The following CFAP54 variants were observed in gnomAD, a reference collection of about 807,000 sequenced individuals.
CFAP54 encodes the protein cilia and flagella associated protein 54, also known as cilia- and flagella-associated protein 54.
A neutral mutation model predicts 370.4 loss-of-function variants in CFAP54; 290 were observed. The observed-to-expected ratio is 0.78, with a 90% CI of 0.71 to 0.86. The LOEUF (loss-of-function observed/expected upper bound fraction) is 0.86, where lower values mean the gene tolerates loss of function less well. Among genes scored for constraint, CFAP54 ranks in the 40% least tolerant of loss-of-function variants. The probability of loss-of-function intolerance (pLI) is 0.00; values close to 1 mark genes in which losing one functional copy is unlikely to be tolerated. For missense variants in CFAP54, 3,399 were observed against 3,528.7 expected, an observed-to-expected ratio of 0.96 and a Z score of 0.93; for synonymous variants, 1,206 against 1,236.5, an observed-to-expected ratio of 0.98 and a Z score of 0.52.
intron 22 of CFAP54, among the ~76,000 whole-genome samples, chr12:96,583,312 A>G (rs1408886378): frequency 1.3e-5 from 2 of 152,162 alleles, no homozygotes; most frequent in African/African-American, 4.8e-5. Context: ...ACTAGATAAT[A>G]TCATATAAAT....
At chr12:96,644,849 A>G (rs1956771656) in intron 33 of CFAP54, among the ~76,000 whole-genome samples, 1 of 152,188 alleles carries the variant, frequency 6.6e-6, no homozygotes, top group Non-Finnish European at 1.5e-5. Context: ...ATTACAATTC[A>G]AAGTGAGCTT....
intron 61 of CFAP54, among the ~76,000 whole-genome samples, chr12:96,786,088 T>G (rs1958625849): frequency 6.6e-6 from 1 of 152,242 alleles, no homozygotes; most frequent in Admixed American, 6.5e-5. Flanking sequence ...CCTTAGGATC[T>G]GTTTTAGGGG....
chr12:96,700,807 A>G (rs1196620585), intron 46 of CFAP54, among the ~76,000 whole-genome samples: 1 of 152,188 alleles, frequency 6.6e-6, no homozygotes, highest in Non-Finnish European at 1.5e-5. Flanking sequence ...AATAAAGGAA[A>G]TGGGAGAAGG....
rs17025902 is a variant in CFAP54, at chr12:96,783,548, A to G, written c.8282-1169A>G. Among the ~76,000 whole-genome samples, 1,304 of 152,302 alleles carry G rather than the reference A, an allele frequency of 8.6e-3. 53 individuals are homozygous for G. The East Asian group carries it at 0.097, about 11-fold the overall frequency. On this transcript the variant is annotated intron_variant, in intron 60 of 67. Coordinates refer to ENST00000524981, the MANE Select transcript of CFAP54 (RefSeq NM_001306084.2). ...GAACCTGTTTGTTAACTCATTGTAC[A>G]TTTTCAGGATATATCCATCATTACT...
intron 50 of CFAP54, among the ~76,000 whole-genome samples, chr12:96,738,764 C>T (rs1958012733): frequency 6.6e-6 from 1 of 152,060 alleles, no homozygotes; most frequent in Non-Finnish European, 1.5e-5. Context: ...ACGCGTGCCA[C>T]CACGCCTGGC....
chr12:96,611,118 C>T (rs1956353422), intron 26 of CFAP54, among the ~76,000 whole-genome samples: 1 of 152,232 alleles, frequency 6.6e-6, no homozygotes, highest in African/African-American at 2.4e-5. Flanking sequence ...CCTGAGTAGC[C>T]TAACTGGGAG....
intron 22 of CFAP54, among the ~76,000 whole-genome samples, chr12:96,584,284 C>T (rs760252724): frequency 1.8e-4 from 28 of 151,734 alleles, no homozygotes; most frequent in Middle Eastern, 3.2e-3. Context: ...GGCAACATGG[C>T]GAAACCCTGT....
intron 25 of CFAP54, among the ~76,000 whole-genome samples, chr12:96,597,529 G>T (rs1437695762): frequency 6.6e-6 from 1 of 151,958 alleles, no homozygotes; most frequent in African/African-American, 2.4e-5. Context: ...CCCCCAGATT[G>T]TACAACCATG....
intron 50 of CFAP54, 88 bp from the exon 51 acceptor site, chr12:96,739,858 GGTGTGAGAAT>G (rs1456052610): frequency 4.2e-6 from 3 of 706,724 alleles, no homozygotes; most frequent in Non-Finnish European, 6.8e-6. Context: ...TGTTGGCTGG[GGTGTGAGAAT>G]GTTTTTTGGA....
At chr12:96,504,580 G>A (rs768599593) in intron 3 of CFAP54, among the ~76,000 whole-genome samples, 2 of 152,098 alleles carry the variant, frequency 1.3e-5, no homozygotes, top group Non-Finnish European at 2.9e-5. Flanking sequence ...AGTCCTAAGA[G>A]GTGCCTCTTT....
At chr12:96,874,139 C>T (rs1960231956) in intron 67 of CFAP54, among the ~76,000 whole-genome samples, 1 of 152,092 alleles carries the variant, frequency 6.6e-6, no homozygotes, top group African/African-American at 2.4e-5. Flanking sequence ...GAAGTTTAAT[C>T]GAATTTTAAA....
At chr12:96,540,256 A>G (rs1224244723) in intron 13 of CFAP54, 1 of 152,150 alleles carries the variant, frequency 6.6e-6, no homozygotes, top group Non-Finnish European at 1.5e-5. Context: ...GTGTGCGCCA[A>G]TACGCTGGCT....
At chr12:96,576,788 T>G in intron 20 of CFAP54, 27 bp downstream of exon 20, 1 of 1,504,050 alleles carries the variant, frequency 6.6e-7, no homozygotes, top group Non-Finnish European at 8.9e-7. Flanking sequence ...AATTTTTGCC[T>G]CATGCAAAGC....
chr12:96,664,304 C>T (rs981881955), intron 39 of CFAP54, among the ~76,000 whole-genome samples: 2 of 151,946 alleles, frequency 1.3e-5, no homozygotes, highest in Admixed American at 6.6e-5. Flanking sequence ...TCTGATAGGC[C>T]AGAGTGTGTG....
intron 63 of CFAP54, among the ~76,000 whole-genome samples, chr12:96,804,738 A>G (rs1565984188): frequency 2.6e-5 from 4 of 152,154 alleles, no homozygotes; most frequent in African/African-American, 9.7e-5. Flanking sequence ...TTAGAAAAAA[A>G]CAATCCTAAA....
chr12:96,664,701 A>C (rs55649464), intron 39 of CFAP54, among the ~76,000 whole-genome samples: 51 of 10,056 alleles, frequency 5.1e-3, no homozygotes, highest in Admixed American at 7.7e-3. Flanking sequence ...ATATATCTAT[A>C]TATATATATA....
intron 67 of CFAP54, among the ~76,000 whole-genome samples, chr12:96,869,081 G>A (rs1960082437): frequency 6.6e-6 from 1 of 152,024 alleles, no homozygotes; most frequent in African/African-American, 2.4e-5. Context: ...TCAAGGATTT[G>A]TCATTTATTT....
At position 96,650,014 on chromosome 12, in the gene CFAP54, C is replaced by G. The variant is rs778407080; in HGVS notation, c.4814C>G (p.Ala1605Gly). The G allele has an allele frequency of 6.2e-7, 1 of 1,613,676 alleles. No homozygotes were observed. The highest frequency in any genetic ancestry group is 8.5e-7 in the Non-Finnish European group (1 of 1,179,866). ...AGTGCTAAAGAAAAGGACCGAGGAG[C>G]AAATTTGTGTGTAATGGATCATTTT... ...GSSAKEKDRG[A>G]NLCVMDHFMK... The change falls in exon 35 of 68, where the codon GCA becomes GGA. Residue 1605 changes from alanine (A) to glycine (G), a missense_variant. Physicochemically the swap from Ala to Gly is moderately conservative, Grantham distance 60 (BLOSUM62 0). Coordinates refer to ENST00000524981, the MANE Select transcript of CFAP54 (RefSeq NM_001306084.2).
intron 65 of CFAP54, among the ~76,000 whole-genome samples, chr12:96,826,377 C>G (rs1416674175): frequency 2.6e-5 from 2 of 77,670 alleles, no homozygotes; most frequent in African/African-American, 1.0e-4. Flanking sequence ...TATATATATT[C>G]AATATATTGT....
Sources: gnomAD v4.1 joint callset for allele counts (sites outside exome capture counted in the v4.1 genomes callset) on GRCh38, gnomAD v4.1.1 for gene constraint, MANE v1.5 for transcripts, NCBI Gene and HGNC (gene_info 2026-07-23, HGNC 2026-07-21) for gene names.